ANO4: variants seen among roughly 807,000 people sequenced by gnomAD.
The protein encoded by ANO4 is anoctamin-4.
A neutral mutation model predicts 141.9 loss-of-function variants in ANO4; 69 were observed. That is an observed-to-expected ratio of 0.49 (90% confidence interval 0.40 to 0.59). The LOEUF is 0.59. Among genes scored for constraint, ANO4 ranks in the 20% least tolerant of loss-of-function variants. The pLI is 0.00. For missense variants in ANO4, 894 were observed against 1,162.2 expected (o/e 0.77, Z 3.36); for synonymous variants, 350 against 394.3 (o/e 0.89, Z 1.33).
At position 100,912,047 on chromosome 12, in the gene ANO4, A is replaced by G. The variant is rs142245127; in HGVS notation, c.56-10179A>G. Among the ~76,000 whole-genome samples, 1,166 of 152,214 alleles carry G rather than the reference A, an allele frequency of 7.7e-3. 15 individuals carry two copies. Among genetic ancestry groups the G allele is most frequent in the African/African-American group, 0.026 (1,098 of 41,502 alleles). Reference sequence around the variant, plus strand: ...CTATGGCATAGGAAGTGAAGTTACTAGCTCAAAAGTACAAAATTAGCAATT... The same window carrying G: ...CTATGGCATAGGAAGTGAAGTTACTGGCTCAAAAGTACAAAATTAGCAATT... On this transcript the variant is annotated intron_variant, in intron 2 of 27. Transcript: ENST00000392977.
chr12:100,854,779 A>C (rs552590003), intron 1 of ANO4, among the ~76,000 whole-genome samples: 1 of 152,296 alleles, frequency 6.6e-6, no homozygotes, highest in Non-Finnish European at 1.5e-5. Flanking sequence ...TTATCTGCTT[A>C]ATCTTCCTCA....
intron 5 of ANO4, among the ~76,000 whole-genome samples, chr12:100,950,288 C>T (rs1809009323): frequency 6.6e-6 from 1 of 152,194 alleles, no homozygotes; most frequent in Admixed American, 6.5e-5. Flanking sequence ...CTTTACTCCA[C>T]TCAATCTTCT....
At chr12:100,975,809 T>G (rs1238998746) in intron 7 of ANO4, among the ~76,000 whole-genome samples, 1 of 152,012 alleles carries the variant, frequency 6.6e-6, no homozygotes. Context: ...GTGCAGATAG[T>G]CATCCTTAGC....
upstream of ANO4, among the ~76,000 whole-genome samples, chr12:100,791,448 G>A (rs1365972545): frequency 6.6e-6 from 1 of 152,116 alleles, no homozygotes; most frequent in Non-Finnish European, 1.5e-5. Flanking sequence ...TAATTATAGG[G>A]TCAGAGTTGA....
At chr12:100,745,352 C>A (rs572036956) in intron 3 of ANO4, among the ~76,000 whole-genome samples, 2 of 152,312 alleles carry the variant, frequency 1.3e-5, no homozygotes, top group African/African-American at 4.8e-5. Flanking sequence ...CTTTCTGTTT[C>A]CACTGGCAAT....
At chr12:100,773,165 T>C (rs1023352062) in intron 3 of ANO4, among the ~76,000 whole-genome samples, 9 of 152,180 alleles carry the variant, frequency 5.9e-5, no homozygotes, top group African/African-American at 2.2e-4. Context: ...AGATGGTATT[T>C]TTCAGGGTGT....
At chr12:100,978,822 C>T (rs1293223924) in intron 7 of ANO4, among the ~76,000 whole-genome samples, 2 of 152,106 alleles carry the variant, frequency 1.3e-5, no homozygotes, top group African/African-American at 4.8e-5. Context: ...AGAGGAGATA[C>T]AGGTGTGGTG....
Position 100,938,571 on chromosome 12 carries a change from A to T in ANO4, c.161-744A>T, listed in dbSNP as rs561757407. 3.9e-5 allele frequency among the ~76,000 whole-genome samples: 6 copies of T among 152,338 alleles called. 1 individual carries two copies. In the South Asian group the frequency reaches 1.0e-3, roughly 26 times the overall value. On this transcript the variant is annotated intron_variant, in intron 3 of 27. Transcript: ENST00000392977. ...GGATAAAACAGAAGGGACTCAACCC[A>T]TATCTTTCCTCTGCTGGTGATGAAC...
At chr12:101,007,120 A>G (rs1198532869) in intron 8 of ANO4, among the ~76,000 whole-genome samples, 1 of 152,204 alleles carries the variant, frequency 6.6e-6, no homozygotes, top group Non-Finnish European at 1.5e-5. Context: ...TAGGAGGCCG[A>G]GGTGGGTGTA....
intron 8 of ANO4, among the ~76,000 whole-genome samples, chr12:101,019,830 G>C (rs540192892): frequency 3.9e-5 from 6 of 152,240 alleles, no homozygotes; most frequent in Admixed American, 3.3e-4. Context: ...TAGCATGAAC[G>C]ATGTTGATGC....
At chr12:100,757,705 C>A (rs543069453) in intron 3 of ANO4, among the ~76,000 whole-genome samples, 3 of 152,356 alleles carry the variant, frequency 2.0e-5, no homozygotes, top group Admixed American at 6.5e-5. Flanking sequence ...GACTGCCAAC[C>A]TGCCTACTGT....
rs139922078 is a variant in ANO4, at chr12:101,112,352, GC to G, written c.2450+643del. Reference sequence around the variant, plus strand: ...TCAATGGTTTGCAAAGCCAGGGCACGCTATATATGGTCAGATAAAGATAAGT... The same window carrying G: ...TCAATGGTTTGCAAAGCCAGGGCACGTATATATGGTCAGATAAAGATAAGT... On this transcript the variant is annotated intron_variant, in intron 24 of 27. Coordinates refer to ENST00000392977, the MANE Select transcript of ANO4 (RefSeq NM_001286615.2). Among the ~76,000 whole-genome samples, 712 of 152,284 alleles carry G rather than the reference GC, an allele frequency of 4.7e-3. 2 individuals carry two copies. Among genetic ancestry groups the G allele is most frequent in the Non-Finnish European group, 5.8e-3 (397 of 68,012 alleles).
At chr12:100,909,050 G>T (rs1346392921) in intron 2 of ANO4, among the ~76,000 whole-genome samples, 1 of 152,140 alleles carries the variant, frequency 6.6e-6, no homozygotes, top group Non-Finnish European at 1.5e-5. Flanking sequence ...ATCAGTCAGG[G>T]TTCTTTGTTA....
intron 1 of ANO4, among the ~76,000 whole-genome samples, chr12:100,839,090 C>T (rs1297432351): frequency 6.6e-6 from 1 of 151,912 alleles, no homozygotes; most frequent in Non-Finnish European, 1.5e-5. Flanking sequence ...TGAATTGATT[C>T]TCCTAAGAAT....
intron 8 of ANO4, among the ~76,000 whole-genome samples, chr12:100,998,463 C>T (rs2045492948): frequency 6.6e-6 from 1 of 151,870 alleles, no homozygotes; most frequent in Non-Finnish European, 1.5e-5. Flanking sequence ...AATACAACAC[C>T]CAAACTAATC....
At chr12:100,787,005 CAT>C (rs1216137456) in intron 3 of ANO4, among the ~76,000 whole-genome samples, 4 of 152,130 alleles carry the variant, frequency 2.6e-5, no homozygotes, top group Non-Finnish European at 4.4e-5. Context: ...CCTGAGGAAA[CAT>C]ATAGTCTAGT....
chr12:100,915,021 A>G (rs1430598406), intron 2 of ANO4, among the ~76,000 whole-genome samples: 3 of 151,884 alleles, frequency 2.0e-5, no homozygotes, highest in Non-Finnish European at 2.9e-5. Context: ...AGGTCTTGCT[A>G]TATTGCTCAG....
At chr12:101,023,699 G>T (rs1055105404) in intron 9 of ANO4, among the ~76,000 whole-genome samples, 7 of 151,966 alleles carry the variant, frequency 4.6e-5, no homozygotes, top group African/African-American at 1.4e-4. Context: ...AAAGAAAATT[G>T]GTAATGATGA....
chr12:100,777,210 A>C (rs1005496640), intron 3 of ANO4, among the ~76,000 whole-genome samples: 4 of 145,428 alleles, frequency 2.8e-5, no homozygotes, highest in African/African-American at 1.0e-4. Context: ...CTTGTGCCTC[A>C]GCCTCCCAAG....
Sources: allele counts gnomAD v4.1 joint callset (sites outside exome capture counted in the v4.1 genomes callset), GRCh38; gene constraint gnomAD v4.1.1; transcripts MANE v1.5; gene names NCBI Gene and HGNC (gene_info 2026-07-23, HGNC 2026-07-21).